The following SGO2 variants were observed in gnomAD, a reference collection of about 807,000 sequenced individuals.
SGO2 encodes the protein shugoshin 2.
SGO2 carries 68 observed loss-of-function variants against 99.5 expected under a neutral mutation model. That is an observed-to-expected ratio of 0.68 (90% CI 0.56 to 0.84). The LOEUF is 0.84. Among genes scored for constraint, SGO2 ranks in the 40% least tolerant of loss-of-function variants. The probability of loss-of-function intolerance (pLI) is 0.00; values close to 1 mark genes in which losing one functional copy is unlikely to be tolerated. For synonymous variants in SGO2, 457 were observed against 487.1 expected (o/e 0.94, Z 0.81); for missense variants, 1,350 against 1,436.7 (o/e 0.94, Z 0.97).
At chr2:200,528,600 A>T (rs2031216600) in intron 1 of SGO2, among the ~76,000 whole-genome samples, 1 of 152,168 alleles carries the variant, frequency 6.6e-6, no homozygotes, top group Admixed American at 6.6e-5. Flanking sequence ...CTAGTTGGAG[A>T]TGCGTAGTAG....
At chr2:200,577,181 C>G (rs1230818095) in intron 8 of SGO2, among the ~76,000 whole-genome samples, 1 of 152,008 alleles carries the variant, frequency 6.6e-6, no homozygotes, top group East Asian at 1.9e-4. Context: ...TTCTCTTTAT[C>G]TTTACCAACA....
intron 5 of SGO2, among the ~76,000 whole-genome samples, chr2:200,560,169 C>T (rs1389841797): frequency 6.6e-6 from 1 of 152,006 alleles, no homozygotes; most frequent in African/African-American, 2.4e-5. Flanking sequence ...ATCTGTTTCT[C>T]CTTTTAGTTT....
intron 5 of SGO2, among the ~76,000 whole-genome samples, chr2:200,563,496 C>T (rs1217017096): frequency 6.6e-6 from 1 of 152,186 alleles, no homozygotes; most frequent in Admixed American, 6.5e-5. Flanking sequence ...CGATGTTCAT[C>T]AGAGTTATTG....
At chr2:200,527,070 T>G (rs2031133898) in intron 1 of SGO2, among the ~76,000 whole-genome samples, 1 of 152,196 alleles carries the variant, frequency 6.6e-6, no homozygotes, top group Non-Finnish European at 1.5e-5. Flanking sequence ...ACTATCATAA[T>G]GTCTCAGTGT....
At chr2:200,566,780 T>TC (rs1439167025) in intron 5 of SGO2, among the ~76,000 whole-genome samples, 3 of 152,100 alleles carry the variant, frequency 2.0e-5, no homozygotes, top group African/African-American at 7.2e-5. Context: ...CGGGCACCCG[T>TC]CCCCCCAGCC....
chr2:200,534,856 A>G (rs1355865309), intron 2 of SGO2, 140 bp from the exon 3 acceptor site: 1 of 547,790 alleles, frequency 1.8e-6, no homozygotes. Flanking sequence ...TTTTCTCAAA[A>G]CTACATCTGT....
chr2:200,570,509 T>TGTGG lies in SGO2; in HGVS notation c.704-540_704-539insTGGG, dbSNP rs1193727269. Among the ~76,000 whole-genome samples, 3 of 149,302 alleles carry TGTGG rather than the reference T, an allele frequency of 2.0e-5. No homozygotes were observed. The highest frequency in any genetic ancestry group is 1.9e-4 in the East Asian group (1 of 5,152). The stretch of plus-strand genomic sequence containing the variant: ...GTGTGTGTGTGTGTGTGTGTGTGTG[T>TGTGG]GGGCATATGTATATGTATATAATAT... On this transcript the variant is annotated intron_variant, in intron 6 of 8. Transcript: ENST00000357799. This position sits in a 1 kb window ranked among gnomAD's most constrained non-coding sequence, Gnocchi z 4.4.
chr2:200,575,590 G>A (rs2033628252), intron 8 of SGO2, 129 bp downstream of exon 8: 1 of 624,702 alleles, frequency 1.6e-6, no homozygotes, highest in Non-Finnish European at 2.6e-6. Flanking sequence ...AACAACCACA[G>A]TATGATTTGG....
intron 5 of SGO2, among the ~76,000 whole-genome samples, chr2:200,546,257 G>A (rs1341517043): frequency 6.7e-5 from 10 of 149,980 alleles, no homozygotes; most frequent in Non-Finnish European, 1.5e-4. Context: ...GGAGGCTGAG[G>A]CAGGAGAATG....
chr2:200,530,405 C>G (rs1376417400), intron 1 of SGO2, among the ~76,000 whole-genome samples: 2 of 152,146 alleles, frequency 1.3e-5, no homozygotes, highest in East Asian at 1.9e-4. Flanking sequence ...CAGGTTTGGA[C>G]AAGTTAAATT....
intron 8 of SGO2, chr2:200,576,116 A>C (rs952987533): frequency 5.2e-6 from 2 of 387,634 alleles, no homozygotes; most frequent in African/African-American, 4.3e-5. Context: ...CTAACAAAAA[A>C]GAATGATTCT....
In SGO2 at chr2:200,569,680, A is replaced by G. The variant is rs1452463257; in HGVS notation, c.491A>G (p.Asn164Ser). Residue 164 changes from asparagine to serine, a missense_variant, in exon 6 of 9, where the codon AAT (asparagine) becomes AGT (serine). Coordinates refer to ENST00000357799, the MANE Select transcript of SGO2 (RefSeq NM_152524.6). ...LPFARVPLTS[N>S]DDEDEDKEKM... ...GCCTTTAGGGTTCCATTAACTTCAA[A>G]TGATGATGAAGATGAAGATAAAGAG... 1.2e-6 allele frequency: 2 copies of G among 1,607,056 alleles called. No homozygotes were observed. The highest frequency in any genetic ancestry group is 2.2e-5 in the East Asian group (1 of 44,616).
rs1458914069 is a variant in SGO2 at position 200,533,135 on chromosome 2, C to G, written c.133+27C>G. 4 of 1,532,602 alleles carry G rather than the reference C, an allele frequency of 2.6e-6. No individual in the cohort carries two copies. In the African/African-American group the frequency reaches 5.6e-5, roughly 22 times the overall value. The allele number at this position is 1,532,602 out of a possible 1,614,324, so 94.9% of individuals were successfully genotyped here. On this transcript the variant is annotated intron_variant, in intron 2 of 8. Coordinates refer to ENST00000357799, the MANE Select transcript of SGO2 (RefSeq NM_152524.6). ...TAAGTGCCATCAGTTTTAAAATACA[C>G]TCACGTTTTAACTTTTCCCCAGAAT...
chr2:200,562,665 A>G (rs553037395), intron 5 of SGO2, among the ~76,000 whole-genome samples: 6 of 152,194 alleles, frequency 3.9e-5, no homozygotes, highest in Non-Finnish European at 7.4e-5. Flanking sequence ...CCATTTTCAC[A>G]ATATTGATTC....
At chr2:200,540,723 T>C in intron 4 of SGO2, among the ~76,000 whole-genome samples, 1 of 152,226 alleles carries the variant, frequency 6.6e-6, no homozygotes, top group East Asian at 1.9e-4. Context: ...TATTATGATG[T>C]TTTTACATCT....
At chr2:200,563,578 G>C (rs1360880089) in intron 5 of SGO2, among the ~76,000 whole-genome samples, 2 of 152,176 alleles carry the variant, frequency 1.3e-5, no homozygotes, top group Non-Finnish European at 2.9e-5. Flanking sequence ...CTCATAAAAT[G>C]AGTTAGGGAG....
intron 5 of SGO2, among the ~76,000 whole-genome samples, chr2:200,551,091 A>C (rs539846105): frequency 3.0e-4 from 45 of 152,246 alleles, no homozygotes; most frequent in Non-Finnish European, 5.4e-4. Flanking sequence ...AAAACTGAAA[A>C]TATACCTTCC....
chr2:200,531,645 T>A (rs1406411001), intron 1 of SGO2: 1 of 152,270 alleles, frequency 6.6e-6, no homozygotes, highest in East Asian at 1.9e-4. Context: ...ATAGGCAGGC[T>A]GTATTCATTT....
intron 8 of SGO2, chr2:200,576,060 G>A: frequency 2.5e-6 from 1 of 397,280 alleles, no homozygotes; most frequent in Non-Finnish European, 4.8e-6. Context: ...TCTCTAAAAA[G>A]TAAGAACTTA....
Sources: gnomAD v4.1 joint callset for allele counts (sites outside exome capture counted in the v4.1 genomes callset) on GRCh38, gnomAD v4.1.1 for gene constraint, Gnocchi (gnomAD v3.1) non-coding constraint, MANE v1.5 for transcripts, NCBI Gene and HGNC (gene_info 2026-07-23, HGNC 2026-07-21) for gene names.